ZNF234: variants seen among roughly 807,000 people sequenced by gnomAD.
ZNF234 encodes the protein C2-H2 type zinc finger protein.
Under a neutral mutation model 10.3 loss-of-function variants are expected in ZNF234, and 4 were observed. That is an observed-to-expected ratio of 0.39 (90% CI 0.19 to 0.89). The LOEUF is 0.89. ZNF234 is among the 40% of genes least tolerant of loss of function. ZNF234 has a pLI of 0.38. For missense variants in ZNF234, 711 were observed against 836.1 expected (o/e 0.85, Z 1.85); for synonymous variants, 258 against 280.1 (o/e 0.92, Z 0.79).
chr19:44,152,461 T>C (rs1968766433), intron 5 of ZNF234, among the ~76,000 whole-genome samples: 1 of 152,232 alleles, frequency 6.6e-6, no homozygotes, highest in African/African-American at 2.4e-5. Flanking sequence ...ATTTGTTTTC[T>C]GATGGCTGCA....
chr19:44,152,278 T>C (rs973304964), intron 5 of ZNF234, among the ~76,000 whole-genome samples: 2 of 152,220 alleles, frequency 1.3e-5, no homozygotes, highest in African/African-American at 4.8e-5. Flanking sequence ...TGTTTGTTTA[T>C]TACTCTATCA....
At chr19:44,143,424 A>G (rs1172440563) in intron 2 of ZNF234, among the ~76,000 whole-genome samples, 1 of 152,142 alleles carries the variant, frequency 6.6e-6, no homozygotes, top group Non-Finnish European at 1.5e-5. Flanking sequence ...CCTGGCTAAC[A>G]TGGTGAAACC....
chr19:44,148,833 C>T lies in ZNF234; in HGVS notation c.78C>T (p.Asp26=), dbSNP rs776754760. The part of the protein sequence containing the change: ...VFTEEELGLL[D]PVQRNLYQDV... ...CTGAGGAGGAGCTGGGGCTGCTGGA[C>T]CCTGTCCAGAGGAATCTGTACCAAG... The change falls in exon 4 of 6, where the codon GAC becomes GAT. Residue 26 remains aspartate, a synonymous_variant. Coordinates refer to ENST00000426739, the MANE Select transcript of ZNF234 (RefSeq NM_006630.3). The T allele has an allele frequency of 6.2e-7, 1 of 1,613,966 alleles. No individual in the cohort carries two copies. Among genetic ancestry groups the T allele is most frequent in the Non-Finnish European group, 8.5e-7 (1 of 1,179,940 alleles).
chr19:44,146,146 G>A (rs116209163), intron 3 of ZNF234, among the ~76,000 whole-genome samples: 127 of 152,290 alleles, frequency 8.3e-4, no homozygotes, highest in Middle Eastern at 6.8e-3. Context: ...TGTCTGGAGT[G>A]CCCTGTTGGG....
intron 3 of ZNF234, among the ~76,000 whole-genome samples, chr19:44,147,022 G>A (rs1968614880): frequency 6.6e-6 from 1 of 151,498 alleles, no homozygotes; most frequent in Non-Finnish European, 1.5e-5. Flanking sequence ...CACCATATTG[G>A]CCAGGCTGGT....
intron 2 of ZNF234, among the ~76,000 whole-genome samples, chr19:44,143,029 G>A (rs1434014403): frequency 6.6e-6 from 1 of 152,130 alleles, no homozygotes; most frequent in Non-Finnish European, 1.5e-5. Context: ...CTAGTGACCT[G>A]CCATATTCTA....
At chr19:44,149,760 C>A (rs1001640006) in intron 4 of ZNF234, 2 of 152,110 alleles carry the variant, frequency 1.3e-5, no homozygotes, top group African/African-American at 2.4e-5. Flanking sequence ...TGGCCCGGAA[C>A]CTTGGCCCAG....
chr19:44,144,095 A>G (rs1968533418), intron 2 of ZNF234, among the ~76,000 whole-genome samples: 1 of 152,028 alleles, frequency 6.6e-6, no homozygotes, highest in African/African-American at 2.4e-5. Context: ...GAGTGTAGTA[A>G]TCATCATCAT....
chr19:44,159,349 G>A lies in ZNF234; in HGVS notation c.*1230G>A, dbSNP rs1968984281. 5.2e-6 allele frequency: 1 copy of A among 191,358 alleles called. No homozygotes were observed. Among genetic ancestry groups the A allele is most frequent in the Admixed American group, 5.6e-5 (1 of 17,934 alleles). The allele number at this position is 191,358 out of a possible 1,614,324, so 11.9% of individuals were successfully genotyped here. On this transcript the variant is annotated 3_prime_UTR_variant, in exon 6 of 6. Coordinates refer to ENST00000426739, the MANE Select transcript of ZNF234 (RefSeq NM_006630.3). ...GTGCCACCACACCCAGCTAATTTTT[G>A]TATGTTTGGTAGAGAAAGGGTTTCA...
At chr19:44,149,906 G>A (rs1005611973) in intron 4 of ZNF234, 1 of 152,284 alleles carries the variant, frequency 6.6e-6, no homozygotes, top group African/African-American at 2.4e-5. Flanking sequence ...TTTCCTGGGA[G>A]CCCGCTGACT....
chr19:44,142,989 A>T (rs1167593897), intron 2 of ZNF234, among the ~76,000 whole-genome samples: 1 of 152,158 alleles, frequency 6.6e-6, no homozygotes, highest in African/African-American at 2.4e-5. Context: ...CTGCTTATCC[A>T]TGGAAATTTC....
At chr19:44,154,423 A>T (rs1202677936) in intron 5 of ZNF234, among the ~76,000 whole-genome samples, 1 of 152,094 alleles carries the variant, frequency 6.6e-6, no homozygotes, top group Non-Finnish European at 1.5e-5. Context: ...GACAGAAGCT[A>T]AAGTTTCACC....
chr19:44,158,220 A>G lies in ZNF234; in HGVS notation c.*101A>G. On this transcript the variant is annotated 3_prime_UTR_variant, in exon 6 of 6. Transcript: ENST00000426739. ...TTATCAACCTCTTTGAATTTATTTG[A>G]TTTGTAACGCTCCACATTTCCACCT... 1 of 1,244,116 alleles carries G rather than the reference A, an allele frequency of 8.0e-7. No homozygotes were observed. Among genetic ancestry groups the G allele is most frequent in the South Asian group, 1.2e-5 (1 of 82,138 alleles). The allele number at this position is 1,244,116 out of a possible 1,614,324, so 77.1% of individuals were successfully genotyped here. A position where few individuals can be genotyped will look rare whatever the true frequency, so the allele number is the denominator to read the frequency against.
chr19:44,142,045 A>G (rs1395747261), intron 1 of ZNF234: 1 of 152,280 alleles, frequency 6.6e-6, no homozygotes, highest in Non-Finnish European at 1.5e-5. Context: ...GTTACACAAC[A>G]CAAACAGTCC....
chr19:44,156,435 C>T lies in ZNF234; in HGVS notation c.419C>T (p.Thr140Ile), dbSNP rs766854018. 1.9e-6 allele frequency: 3 copies of T among 1,613,514 alleles called. No individual in the cohort carries two copies. The South Asian group carries it at 3.3e-5, about 18-fold the overall frequency. Residue 140 changes from threonine to isoleucine, a missense_variant, in exon 6 of 6, where the codon ACA (threonine) becomes ATA (isoleucine). Physicochemically the swap from Thr to Ile is moderately conservative, Grantham distance 89 (BLOSUM62 -1). Transcript: ENST00000426739. ...LSCQVRAGLY[T>I]THTGQKFYQC... is the part of the protein sequence containing the mutation. ...TGCCAGGTTAGGGCAGGACTATATA[C>T]AACTCACACAGGACAGAAATTTTAC... is the stretch of plus-strand genomic sequence containing the variant.
Position 44,148,788 on chromosome 19 carries a change from G to A in ZNF234, c.33G>A (p.Lys11=), listed in dbSNP as rs773732241. The A allele has an allele frequency of 1.2e-6, 2 of 1,613,816 alleles. No homozygotes were observed. Among genetic ancestry groups the A allele is most frequent in the African/African-American group, 1.3e-5 (1 of 74,936 alleles). MTTFKEGLTF[K]DVAVVFTEEE... Reference sequence around the variant, plus strand: ...TGTTATAGGAGGGACTGACCTTCAAGGATGTGGCTGTGGTCTTCACTGAGG... The same window carrying A: ...TGTTATAGGAGGGACTGACCTTCAAAGATGTGGCTGTGGTCTTCACTGAGG... The change falls in exon 4 of 6, where the codon AAG becomes AAA. Residue 11 remains lysine (K), a synonymous_variant. Transcript: ENST00000426739.
rs1035052968 is a variant in ZNF234 at position 44,157,807 on chromosome 19, A to G, written c.1791A>G (p.Thr597=). The G allele has an allele frequency of 6.2e-7, 1 of 1,611,530 alleles. No individual in the cohort carries two copies. Among genetic ancestry groups the G allele is most frequent in the African/African-American group, 1.4e-5 (1 of 73,966 alleles). Residue 597 remains threonine (T), a synonymous_variant, in exon 6 of 6, where the codon ACA becomes ACG. Coordinates refer to ENST00000426739, the MANE Select transcript of ZNF234 (RefSeq NM_006630.3). Reference sequence around the variant, plus strand: ...TGCACACAGGAGAAAAACCCTATACATGTGGGGAGTGTGGGAAGCACTTCA... The same window carrying G: ...TGCACACAGGAGAAAAACCCTATACGTGTGGGGAGTGTGGGAAGCACTTCA... ...QRVHTGEKPY[T]CGECGKHFSQ... is the part of the protein sequence containing the mutation.
In ZNF234 at chr19:44,156,732, A is replaced by G. The variant is rs1472119098; in HGVS notation, c.716A>G (p.Lys239Arg). 10 of 1,614,060 alleles carry G rather than the reference A, an allele frequency of 6.2e-6. No individual in the cohort carries two copies. The highest frequency in any genetic ancestry group is 8.5e-6 in the Non-Finnish European group (10 of 1,179,974). ...EKPFKCVECGKGFSRRSTLTV... is the reference protein window; with the variant it reads ...EKPFKCVECGRGFSRRSTLTV... ...CCATTCAAATGTGTGGAATGTGGGA[A>G]AGGCTTCAGTCGTAGATCAACACTT... The change falls in exon 6 of 6, where the codon AAA becomes AGA. Residue 239 changes from lysine to arginine, a missense_variant. Transcript: ENST00000426739.
chr19:44,148,593 C>T, intron 3 of ZNF234, 178 bp from the exon 4 acceptor site: 1 of 842,376 alleles, frequency 1.2e-6, no homozygotes, highest in Non-Finnish European at 2.0e-6. Flanking sequence ...CTTTTACTGA[C>T]ACTAAGGAAA....
Sources: allele counts gnomAD v4.1 joint callset (sites outside exome capture counted in the v4.1 genomes callset), GRCh38; gene constraint gnomAD v4.1.1; transcripts MANE v1.5; gene names NCBI Gene and HGNC (gene_info 2026-07-23, HGNC 2026-07-21).